The following GABRA5 variants were observed in gnomAD, a reference collection of about 807,000 sequenced individuals.
The protein encoded by GABRA5 is gamma-aminobutyric acid type A receptor subunit alpha5, also known as gamma-aminobutyric acid receptor subunit alpha-5.
GABRA5 carries 18 observed loss-of-function variants against 47.3 expected under a neutral mutation model. That is an observed-to-expected ratio of 0.38 (90% confidence interval 0.26 to 0.56). The LOEUF (loss-of-function observed/expected upper bound fraction) is 0.56. GABRA5 is among the 20% of genes least tolerant of loss of function. GABRA5 has a pLI of 0.71. For synonymous variants in GABRA5, 237 were observed against 229.3 expected (o/e 1.03, Z -0.30); for missense variants, 365 against 599.3 (o/e 0.61, Z 4.08).
chr15:26,909,196 A>G (rs1328722456), intron 6 of GABRA5, among the ~76,000 whole-genome samples: 2 of 152,102 alleles, frequency 1.3e-5, no homozygotes, highest in East Asian at 1.9e-4. Flanking sequence ...TCCTTGGTTC[A>G]TGGTCCTGCG....
intron 8 of GABRA5, among the ~76,000 whole-genome samples, chr15:26,938,220 C>T (rs1037500671): frequency 4.6e-5 from 7 of 152,284 alleles, no homozygotes; most frequent in Admixed American, 6.5e-5. Flanking sequence ...TGGGCCTGCG[C>T]GCTGGGCATC....
chr15:26,942,161 CTT>C (rs1894400194), intron 9 of GABRA5, among the ~76,000 whole-genome samples: 1 of 152,208 alleles, frequency 6.6e-6, no homozygotes, highest in Admixed American at 6.5e-5. Context: ...TCGCTAAACA[CTT>C]TTAAATCTTC....
At chr15:26,922,652 G>T (rs559960558) in intron 7 of GABRA5, among the ~76,000 whole-genome samples, 1 of 151,116 alleles carries the variant, frequency 6.6e-6, no homozygotes, top group East Asian at 1.9e-4. Flanking sequence ...TCTTTTGTCT[G>T]TCTTACTGTG....
chr15:26,940,636 T>C (rs925737291), intron 9 of GABRA5, among the ~76,000 whole-genome samples: 6 of 152,228 alleles, frequency 3.9e-5, no homozygotes, highest in African/African-American at 1.2e-4. Context: ...AAGTATGACT[T>C]TGTAAGTTAG....
At chr15:26,927,199 G>T (rs1893981201) in intron 7 of GABRA5, among the ~76,000 whole-genome samples, 1 of 151,662 alleles carries the variant, frequency 6.6e-6, no homozygotes, top group African/African-American at 2.4e-5. Flanking sequence ...CCCCTCCCGG[G>T]TTCAAGGGAT....
intron 6 of GABRA5, among the ~76,000 whole-genome samples, chr15:26,890,497 G>A (rs1194122428): frequency 6.9e-6 from 1 of 144,450 alleles, no homozygotes; most frequent in Non-Finnish European, 1.5e-5. Flanking sequence ...CTTGAATTGA[G>A]CCTTGTTCCC....
chr15:26,936,818 A>G (rs932784920), intron 7 of GABRA5, among the ~76,000 whole-genome samples: 1 of 152,182 alleles, frequency 6.6e-6, no homozygotes, highest in African/African-American at 2.4e-5. Context: ...ATCCCATTCT[A>G]TGATGAAGGG....
chr15:26,901,894 G>A (rs1252460116), intron 6 of GABRA5, among the ~76,000 whole-genome samples: 2 of 152,140 alleles, frequency 1.3e-5, no homozygotes, highest in Non-Finnish European at 2.9e-5. Flanking sequence ...TCCAGCACTT[G>A]TTGAAAAGAC....
chr15:26,894,450 C>G (rs1184645829), intron 6 of GABRA5, among the ~76,000 whole-genome samples: 25 of 152,164 alleles, frequency 1.6e-4, no homozygotes, highest in Non-Finnish European at 1.5e-5. Context: ...CCGGGCCCCT[C>G]CTTCCCCCCG....
intron 7 of GABRA5, among the ~76,000 whole-genome samples, chr15:26,925,738 T>C (rs1159904167): frequency 6.6e-6 from 1 of 152,226 alleles, no homozygotes; most frequent in African/African-American, 2.4e-5. Context: ...GGATATTTTA[T>C]GGTTATATTG....
chr15:26,869,163 T>C lies in GABRA5; in HGVS notation c.-74-12T>C. 8 of 839,660 alleles carry C rather than the reference T, an allele frequency of 9.5e-6. 1 individual carries two copies. Among genetic ancestry groups the C allele is most frequent in the Non-Finnish European group, 8.4e-6 (4 of 478,638 alleles). The allele number at this position is 839,660 out of a possible 1,614,324, so 52.0% of individuals were successfully genotyped here. On this transcript the variant is annotated splice_polypyrimidine_tract_variant and intron_variant, in intron 2 of 10. Transcript: ENST00000335625. ...GATGTTCACGTGCTTCCCCGCTTTG[T>C]GTGCTTTTCAGCTTCAAGAACAAGC...
chr15:26,929,763 G>A (rs981100295), intron 7 of GABRA5, among the ~76,000 whole-genome samples: 2 of 152,160 alleles, frequency 1.3e-5, no homozygotes, highest in African/African-American at 2.4e-5. Flanking sequence ...GGGCAGGGCA[G>A]GGCGCCTCTC....
chr15:26,872,402 C>T (rs1343574965), intron 3 of GABRA5, among the ~76,000 whole-genome samples: 1 of 152,124 alleles, frequency 6.6e-6, no homozygotes, highest in Non-Finnish European at 1.5e-5. Context: ...CTGTGTGACT[C>T]CGCCCCCTGT....
At chr15:26,903,526 G>T (rs1289650431) in intron 6 of GABRA5, among the ~76,000 whole-genome samples, 1 of 152,036 alleles carries the variant, frequency 6.6e-6, no homozygotes, top group Non-Finnish European at 1.5e-5. Flanking sequence ...TTGAGGAGTT[G>T]CCCCACTGCT....
intron 7 of GABRA5, among the ~76,000 whole-genome samples, chr15:26,924,521 G>C (rs1028092188): frequency 1.3e-5 from 2 of 152,186 alleles, no homozygotes; most frequent in African/African-American, 2.4e-5. Flanking sequence ...GAAACTCCAG[G>C]CTTCCTACAT....
intron 6 of GABRA5, among the ~76,000 whole-genome samples, chr15:26,910,827 A>G (rs1893564389): frequency 6.6e-6 from 1 of 151,950 alleles, no homozygotes; most frequent in Non-Finnish European, 1.5e-5. Context: ...TTATCGAAAA[A>G]GTGAGGGTTT....
intron 3 of GABRA5, among the ~76,000 whole-genome samples, chr15:26,873,587 A>G (rs551122763): frequency 3.1e-4 from 47 of 152,332 alleles, no homozygotes; most frequent in Non-Finnish European, 6.0e-4. Context: ...GAAGAGAACC[A>G]TTCCATACCC....
rs201726196 is a variant in GABRA5 at position 26,890,426 on chromosome 15, ATT to A, written c.497+6886_497+6887del. Reference sequence around the variant, plus strand: ...CATCTCAAGATTTGTAGTCACTTCAATTTTTTTTTTTTTTTTTTGCTTTGGGA... The same window carrying A: ...CATCTCAAGATTTGTAGTCACTTCAATTTTTTTTTTTTTTTTGCTTTGGGA... On this transcript the variant is annotated intron_variant, in intron 6 of 10. Transcript: ENST00000335625. Among the ~76,000 whole-genome samples the A allele has an allele frequency of 8.2e-3, 1,055 of 128,488 alleles. 16 individuals carry two copies. Among genetic ancestry groups the A allele is most frequent in the African/African-American group, 0.03 (947 of 31,238 alleles). The allele number at this position is 128,488 out of a possible 152,430, so 84.3% of individuals were successfully genotyped here.
rs547774091 is a variant in GABRA5 at position 26,915,599 on chromosome 15, C to A, written c.580+714C>A. The stretch of plus-strand genomic sequence containing the variant: ...AAAAATATTCTTGAAATATTTATTT[C>A]TCCAAGTATTAAATTTTGTTACACT... On this transcript the variant is annotated intron_variant, in intron 7 of 10. Transcript: ENST00000335625. 6.8e-4 allele frequency among the ~76,000 whole-genome samples: 104 copies of A among 152,240 alleles called. 1 individual carries two copies. The highest frequency in any genetic ancestry group is 2.4e-3 in the African/African-American group (98 of 41,548).
Sources: gnomAD v4.1 joint callset for allele counts (sites outside exome capture counted in the v4.1 genomes callset) on GRCh38, gnomAD v4.1.1 for gene constraint, MANE v1.5 for transcripts, NCBI Gene and HGNC (gene_info 2026-07-23, HGNC 2026-07-21) for gene names.